Variants in TRAPPC9 observed in about 807,000 individuals in gnomAD.
The protein encoded by TRAPPC9 is IKK2 binding protein.
In TRAPPC9, 83 loss-of-function variants were observed where a neutral mutation model predicts 124.0. That is an observed-to-expected ratio of 0.67 (90% CI 0.56 to 0.80). The LOEUF is 0.80. Ranked by LOEUF, TRAPPC9 falls within the 30% of genes least tolerant of loss-of-function variation. TRAPPC9 has a pLI of 0.00. For synonymous variants in TRAPPC9, 638 were observed against 617.5 expected, an observed-to-expected ratio of 1.03 and a Z score of -0.49; for missense variants, 1,302 against 1,508.3, an observed-to-expected ratio of 0.86 and a Z score of 2.27.
intron 19 of TRAPPC9, among the ~76,000 whole-genome samples, chr8:139,978,749 G>A (rs1045745601): frequency 2.0e-5 from 3 of 152,184 alleles, no homozygotes; most frequent in South Asian, 2.1e-4. Context: ...CCTTTCACTC[G>A]GGCACCTTCA....
At chr8:140,443,361 G>A (rs911685560) in intron 2 of TRAPPC9, among the ~76,000 whole-genome samples, 14 of 151,726 alleles carry the variant, frequency 9.2e-5, no homozygotes, top group South Asian at 4.2e-4. Flanking sequence ...GTGTGAACCC[G>A]GGAGGCGGAG....
At chr8:140,300,958 A>C in intron 10 of TRAPPC9, among the ~76,000 whole-genome samples, 1 of 152,176 alleles carries the variant, frequency 6.6e-6, no homozygotes, top group East Asian at 1.9e-4. Context: ...GTGCCTTGCC[A>C]TCTCTAAGAC....
chr8:140,289,956 G>C (rs929465702), intron 12 of TRAPPC9, among the ~76,000 whole-genome samples: 22 of 152,172 alleles, frequency 1.4e-4, no homozygotes, highest in African/African-American at 5.1e-4. Flanking sequence ...GGCCTAAACA[G>C]CATTTCAACA....
At chr8:139,837,840 G>A (rs78280522) in intron 21 of TRAPPC9, among the ~76,000 whole-genome samples, 4,774 of 151,488 alleles carry the variant, frequency 0.032, 185 homozygotes, top group East Asian at 0.13. Flanking sequence ...CCATCCAGTC[G>A]GCCCATGTCT....
chr8:139,807,608 C>T (rs150858284), intron 21 of TRAPPC9, among the ~76,000 whole-genome samples: 4 of 152,172 alleles, frequency 2.6e-5, no homozygotes, highest in Admixed American at 2.6e-4. Context: ...GGAGGCACTG[C>T]GGACGAAAGT....
chr8:139,885,857 T>C, intron 21 of TRAPPC9, 22 bp downstream of exon 21: 1 of 1,552,942 alleles, frequency 6.4e-7, no homozygotes. Context: ...CCAGAATCGA[T>C]GGGTGGCTGG....
At chr8:139,917,162 A>ATTTTTTTTT (rs1832191450) in intron 19 of TRAPPC9, among the ~76,000 whole-genome samples, 4 of 70,908 alleles carry the variant, frequency 5.6e-5, no homozygotes, top group African/African-American at 1.4e-4. Flanking sequence ...CTTCATTATT[A>ATTTTTTTTT]TTTTCTTTTT....
At chr8:140,049,549 C>CA (rs1425773510) in intron 17 of TRAPPC9, among the ~76,000 whole-genome samples, 1 of 151,624 alleles carries the variant, frequency 6.6e-6, no homozygotes, top group African/African-American at 2.4e-5. Context: ...CAGGGCTCCC[C>CA]CCCCCGAGAC....
chr8:139,822,624 C>G (rs958102362), intron 21 of TRAPPC9, among the ~76,000 whole-genome samples: 1 of 151,216 alleles, frequency 6.6e-6, no homozygotes, highest in Admixed American at 6.6e-5. Context: ...CGTAGGATGG[C>G]GGGGGGGGGC....
In TRAPPC9 at chr8:139,791,847, G is replaced by A. The variant is rs73362179; in HGVS notation, c.3056-59645C>T. Among the ~76,000 whole-genome samples, 922 of 152,310 alleles carry A rather than the reference G, an allele frequency of 6.1e-3. 8 individuals carry two copies. Among genetic ancestry groups the A allele is most frequent in the African/African-American group, 0.021 (872 of 41,562 alleles). On this transcript the variant is annotated intron_variant, in intron 21 of 22. Transcript: ENST00000438773. ...GTGCACAGGTCACTCTGCATGGGAT[G>A]CGGCTCCGCAACCCAGGACTCAGCA...
intron 17 of TRAPPC9, among the ~76,000 whole-genome samples, chr8:140,075,780 G>A (rs531765659): frequency 6.6e-6 from 1 of 152,310 alleles, no homozygotes; most frequent in South Asian, 2.1e-4. Flanking sequence ...TAGAGCCAAT[G>A]TCTGTGATAT....
At chr8:140,337,861 G>A (rs190542953) in intron 9 of TRAPPC9, among the ~76,000 whole-genome samples, 7 of 151,862 alleles carry the variant, frequency 4.6e-5, no homozygotes, top group African/African-American at 4.9e-5. Flanking sequence ...ACCACGGGCC[G>A]GGCACCCTGT....
chr8:140,148,038 G>A (rs1165289467), intron 17 of TRAPPC9, among the ~76,000 whole-genome samples: 2 of 152,358 alleles, frequency 1.3e-5, no homozygotes, highest in South Asian at 2.1e-4. Context: ...TGGCCCCGGG[G>A]GCACAGCAGT....
intron 5 of TRAPPC9, among the ~76,000 whole-genome samples, chr8:140,413,256 G>T (rs139797324): frequency 0.024 from 3,591 of 152,230 alleles, 61 homozygotes; most frequent in South Asian, 0.07. Flanking sequence ...GGGTGTGGTG[G>T]CACATGCCTG....
At chr8:140,395,447 G>C (rs1318108564) in intron 7 of TRAPPC9, among the ~76,000 whole-genome samples, 1 of 152,184 alleles carries the variant, frequency 6.6e-6, no homozygotes, top group Non-Finnish European at 1.5e-5. Flanking sequence ...AGTGAAGCTG[G>C]AATGCCAACC....
intron 17 of TRAPPC9, among the ~76,000 whole-genome samples, chr8:140,190,946 C>T (rs979397794): frequency 1.3e-5 from 2 of 152,122 alleles, no homozygotes; most frequent in African/African-American, 4.8e-5. Context: ...CTCCAACAAT[C>T]GGATTCTCAA....
intron 21 of TRAPPC9, among the ~76,000 whole-genome samples, chr8:139,870,787 G>A (rs1277394746): frequency 6.6e-6 from 1 of 152,212 alleles, no homozygotes; most frequent in African/African-American, 2.4e-5. Flanking sequence ...AAGGAGACTT[G>A]TACATCCTTT....
chr8:139,971,329 G>A (rs778278894), intron 19 of TRAPPC9, among the ~76,000 whole-genome samples: 25 of 152,060 alleles, frequency 1.6e-4, no homozygotes, highest in African/African-American at 5.8e-4. Flanking sequence ...CTTCAGCCTC[G>A]GGAACCCAGT....
At chr8:139,877,133 T>G (rs1392155114) in intron 21 of TRAPPC9, among the ~76,000 whole-genome samples, 1 of 152,208 alleles carries the variant, frequency 6.6e-6, no homozygotes, top group African/African-American at 2.4e-5. Context: ...TAATCTGTAT[T>G]CACTGGATGT....
Sources: gnomAD v4.1 joint callset for allele counts (sites outside exome capture counted in the v4.1 genomes callset) on GRCh38, gnomAD v4.1.1 for gene constraint, MANE v1.5 for transcripts, NCBI Gene and HGNC (gene_info 2026-07-23, HGNC 2026-07-21) for gene names.